Variants in BCAT1 observed in about 807,000 individuals in gnomAD.
BCAT1 encodes branched chain amino acid transaminase 1.
BCAT1 carries 48 observed loss-of-function variants against 52.4 expected under a neutral mutation model. The ratio of observed to expected loss-of-function variants is 0.92; its 90% CI spans 0.73 to 1.16. The LOEUF is 1.16. BCAT1 is among the 50% of genes most tolerant of loss of function. The pLI, the probability that BCAT1 is intolerant of heterozygous loss-of-function variation, is 0.00. For synonymous variants in BCAT1, 167 were observed against 161.3 expected, an observed-to-expected ratio of 1.04 and a Z score of -0.27; for missense variants, 451 against 457.1, an observed-to-expected ratio of 0.99 and a Z score of 0.12.
chr12:24,943,486 C>A (rs1341244773), intron 1 of BCAT1, among the ~76,000 whole-genome samples: 3 of 88,554 alleles, frequency 3.4e-5, no homozygotes, highest in Non-Finnish European at 6.2e-5. Context: ...GAATGAGACC[C>A]TATCTGGAAA....
At chr12:24,911,846 G>C (rs951286363) in intron 1 of BCAT1, among the ~76,000 whole-genome samples, 1 of 152,172 alleles carries the variant, frequency 6.6e-6, no homozygotes, top group Non-Finnish European at 1.5e-5. Context: ...GAAGATTCTG[G>C]ATAAAAAGAT....
chr12:24,837,386 C>T (rs979486412), intron 7 of BCAT1, among the ~76,000 whole-genome samples: 2 of 151,220 alleles, frequency 1.3e-5, no homozygotes, highest in African/African-American at 2.4e-5. Flanking sequence ...AAGAAGTGTG[C>T]GTGCCTACTC....
At chr12:24,845,800 T>C (rs998622996) in intron 6 of BCAT1, among the ~76,000 whole-genome samples, 2 of 152,206 alleles carry the variant, frequency 1.3e-5, no homozygotes, top group Admixed American at 6.5e-5. Flanking sequence ...CTCATGCCTG[T>C]AATCCCAGTG....
chr12:24,916,475 ACT>A (rs1591873177), intron 1 of BCAT1, among the ~76,000 whole-genome samples: 1 of 152,036 alleles, frequency 6.6e-6, no homozygotes, highest in Admixed American at 6.6e-5. Flanking sequence ...TAAAATAACC[ACT>A]GTTTCCATGT....
intron 8 of BCAT1, chr12:24,834,615 A>C: frequency 1.0e-6 from 1 of 980,242 alleles, no homozygotes; most frequent in Non-Finnish European, 1.2e-6. Context: ...AATATTCAAA[A>C]TATTTGAATA....
At chr12:24,855,989 T>C (rs144393264) in intron 5 of BCAT1, among the ~76,000 whole-genome samples, 50 of 152,238 alleles carry the variant, frequency 3.3e-4, no homozygotes, top group African/African-American at 1.2e-3. Context: ...CAGAAAATAT[T>C]TGGATTTACC....
At chr12:24,907,978 C>T (rs1207652613) in intron 1 of BCAT1, among the ~76,000 whole-genome samples, 1 of 152,222 alleles carries the variant, frequency 6.6e-6, no homozygotes, top group African/African-American at 2.4e-5. Flanking sequence ...TCCCACCTCA[C>T]CCAGTGCCGG....
At chr12:24,936,363 G>A (rs1203531399) in intron 1 of BCAT1, among the ~76,000 whole-genome samples, 1 of 152,216 alleles carries the variant, frequency 6.6e-6, no homozygotes, top group Admixed American at 6.5e-5. Flanking sequence ...TTCCCAAGTA[G>A]TTGGGTCTAT....
intron 6 of BCAT1, among the ~76,000 whole-genome samples, chr12:24,848,148 C>T (rs1343434762): frequency 6.6e-6 from 1 of 152,178 alleles, no homozygotes; most frequent in East Asian, 1.9e-4. Context: ...TAAGAGATTT[C>T]AAGTCAATTT....
At chr12:24,925,864 T>C (rs576330742) in intron 1 of BCAT1, among the ~76,000 whole-genome samples, 1 of 152,338 alleles carries the variant, frequency 6.6e-6, no homozygotes, top group African/African-American at 2.4e-5. Flanking sequence ...GGTGCCGGGA[T>C]TGCAGACGGA....
chr12:24,861,446 G>A (rs1019099969), intron 5 of BCAT1, among the ~76,000 whole-genome samples: 2 of 152,192 alleles, frequency 1.3e-5, no homozygotes, highest in Admixed American at 6.5e-5. Context: ...ACTACTCAAC[G>A]TTTTCTTAAA....
intron 7 of BCAT1, among the ~76,000 whole-genome samples, chr12:24,837,077 G>C (rs893848152): frequency 2.1e-5 from 2 of 93,328 alleles, no homozygotes; most frequent in African/African-American, 7.4e-5. Flanking sequence ...AAGAAAGAGA[G>C]AGGGAGGGAG....
chr12:24,866,760 C>T (rs1346334132), intron 5 of BCAT1, among the ~76,000 whole-genome samples: 18 of 152,118 alleles, frequency 1.2e-4, no homozygotes. Flanking sequence ...TTGTGTCTAG[C>T]TCAGGGATTG....
intron 1 of BCAT1, among the ~76,000 whole-genome samples, chr12:24,919,806 T>C (rs1943475659): frequency 2.0e-5 from 3 of 152,344 alleles, no homozygotes; most frequent in Admixed American, 1.3e-4. Flanking sequence ...GATAACTGAA[T>C]CATGGGGGCG....
intron 1 of BCAT1, among the ~76,000 whole-genome samples, chr12:24,920,577 G>A (rs537248725): frequency 3.9e-5 from 6 of 152,154 alleles, no homozygotes; most frequent in East Asian, 1.9e-4. Context: ...CAATCAACAC[G>A]GAAGACTTCT....
rs371956667 is a variant in BCAT1, at chr12:24,841,592, A to G, written c.817+490T>C. Among the ~76,000 whole-genome samples the G allele has an allele frequency of 1.6e-4, 25 of 152,052 alleles. No individual in the cohort carries two copies. The South Asian group carries it at 5.0e-3, about 30-fold the overall frequency. Reference sequence around the variant, plus strand: ...AAAAACAAAAAACGAAAAACAAAAAACCTCTAGAGCTTCTTTAAATCGAAA... The same window carrying G: ...AAAAACAAAAAACGAAAAACAAAAAGCCTCTAGAGCTTCTTTAAATCGAAA... On this transcript the variant is annotated intron_variant, in intron 7 of 10. Transcript: ENST00000261192.
At chr12:24,899,735 G>A (rs1004895288) in intron 2 of BCAT1, among the ~76,000 whole-genome samples, 3 of 151,692 alleles carry the variant, frequency 2.0e-5, no homozygotes, top group African/African-American at 7.3e-5. Context: ...CAACATGGAT[G>A]GAACTGGAAG....
intron 2 of BCAT1, among the ~76,000 whole-genome samples, 164 bp from the exon 3 acceptor site, chr12:24,894,639 A>C (rs1942919326): frequency 6.6e-6 from 1 of 152,228 alleles, no homozygotes; most frequent in Admixed American, 6.5e-5. Flanking sequence ...CTGCATTCAG[A>C]ATTCGGCCAG....
At chr12:24,907,318 C>T (rs533620176) in intron 1 of BCAT1, among the ~76,000 whole-genome samples, 1 of 152,318 alleles carries the variant, frequency 6.6e-6, no homozygotes, top group Admixed American at 6.5e-5. Context: ...CAATGCTTGC[C>T]ATTTCAAAAT....
Sources: gnomAD v4.1 joint callset for allele counts (sites outside exome capture counted in the v4.1 genomes callset) on GRCh38, gnomAD v4.1.1 for gene constraint, MANE v1.5 for transcripts, NCBI Gene and HGNC (gene_info 2026-07-23, HGNC 2026-07-21) for gene names.